Variants in HLA-DMB observed in about 807,000 individuals in gnomAD.
HLA-DMB encodes the protein HLA class II histocompatibility antigen, DM beta chain.
Under a neutral mutation model 29.3 loss-of-function variants are expected in HLA-DMB, and 18 were observed. The ratio of observed to expected loss-of-function variants is 0.62; its 90% confidence interval spans 0.43 to 0.91. The LOEUF is 0.91. Ranked by LOEUF, HLA-DMB falls within the 40% of genes least tolerant of loss-of-function variation. The pLI, the probability that HLA-DMB is intolerant of heterozygous loss-of-function variation, is 0.00. For synonymous variants in HLA-DMB, 143 were observed against 128.7 expected, an observed-to-expected ratio of 1.11 and a Z score of -0.75; for missense variants, 258 against 320.9, an observed-to-expected ratio of 0.80 and a Z score of 1.50.
rs1304467328 is a variant in HLA-DMB, at chr6:32,937,266, G to A, written c.528C>T (p.Thr176=). The A allele has an allele frequency of 2.5e-6, 4 of 1,613,980 alleles. No individual in the cohort carries two copies. Among genetic ancestry groups the A allele is most frequent in the African/African-American group, 1.3e-5 (1 of 74,894 alleles). ...AQPNGDWTYQ[T]LSHLALTPSY... is the part of the protein sequence containing the mutation. ...AGGGGGTTAAGGCTAAATGGGAGAG[G>A]GTCTGGTATGTCCAGTCTCCATTGG... is the stretch of plus-strand genomic sequence containing the variant. Residue 176 remains threonine, a synonymous_variant, in exon 3 of 6, where the codon ACC becomes ACT. Coordinates refer to ENST00000418107, the MANE Select transcript of HLA-DMB (RefSeq NM_002118.5). The surrounding 1 kb of genome is among the most constrained non-coding windows in gnomAD (Gnocchi z 4.1).
At position 32,940,778 on chromosome 6, in the gene HLA-DMB, C is replaced by T; in HGVS notation, c.30G>A (p.Gly10=). 6.2e-7 allele frequency: 1 copy of T among 1,605,770 alleles called. No individual in the cohort carries two copies. The highest frequency in any genetic ancestry group is 8.5e-7 in the Non-Finnish European group (1 of 1,176,730). ...CTGCTCCTGTGCAGCCCAGGCTGAG[C>T]CCCAGCAGCAGCGGCAGGAATGTGA... The part of the protein sequence containing the change: MITFLPLLL[G]LSLGCTGAGG... Residue 10 remains glycine (G), a synonymous_variant, in exon 1 of 6, where the codon GGG becomes GGA. Transcript: ENST00000418107.
In HLA-DMB at chr6:32,937,460, C is replaced by A; in HGVS notation, c.338-4G>T. The A allele has an allele frequency of 6.2e-7, 1 of 1,607,092 alleles. No homozygotes were observed. The highest frequency in any genetic ancestry group is 1.1e-5 in the South Asian group (1 of 90,658). ...GCTACTTGCACAGATGGTGGCCCTG[C>A]ATAGGAGAAAAAAACATGTTTAGGA... On this transcript the variant is annotated splice_polypyrimidine_tract_variant and splice_region_variant and intron_variant, in intron 2 of 5. Coordinates refer to ENST00000418107, the MANE Select transcript of HLA-DMB (RefSeq NM_002118.5). This position sits in a 1 kb window ranked among gnomAD's most constrained non-coding sequence, Gnocchi z 4.1.
At position 32,935,634 on chromosome 6, in the gene HLA-DMB, A is replaced by G; in HGVS notation, c.641T>C (p.Met214Thr). The change falls in exon 4 of 6, where the codon ATG becomes ACG. Residue 214 changes from methionine (M) to threonine (T), a missense_variant. Physicochemically the swap from Met to Thr is moderately conservative, Grantham distance 81. Transcript: ENST00000418107. ...LRDWTPGLSP[M>T]QTLKVSVSAV... ...AGACACAGAAACCTTCAGGGTCTGC[A>G]TGGGGGACAGCCCAGGTGCTGCAAA... The G allele has an allele frequency of 6.2e-7, 1 of 1,612,704 alleles. No individual in the cohort carries two copies. The highest frequency in any genetic ancestry group is 8.5e-7 in the Non-Finnish European group (1 of 1,179,862).
chr6:32,935,785 A>T (rs1775965528), intron 3 of HLA-DMB, 133 bp from the exon 4 acceptor site: 2 of 631,594 alleles, frequency 3.2e-6, no homozygotes, highest in Admixed American at 2.9e-5. Flanking sequence ...CACACCACCC[A>T]CTCCCAAGAA....
In HLA-DMB at chr6:32,934,756, C is replaced by A; in HGVS notation, c.*215G>T. On this transcript the variant is annotated 3_prime_UTR_variant, in exon 6 of 6. Transcript: ENST00000418107. ...ATTATATTCATCCCAGAAATATAGC[C>A]TTGGACAATAATTTGGTTACAGCAT... The A allele has an allele frequency of 1.7e-6, 1 of 604,734 alleles. No individual in the cohort carries two copies. The highest frequency in any genetic ancestry group is 2.9e-5 in the Admixed American group (1 of 34,022). The allele number at this position is 604,734 out of a possible 1,614,324, so 37.5% of individuals were successfully genotyped here.
rs1335545791 is a variant in HLA-DMB at position 32,934,752 on chromosome 6, T to C, written c.*219A>G. 1.7e-5 allele frequency: 10 copies of C among 594,686 alleles called. No homozygotes were observed. Among genetic ancestry groups the C allele is most frequent in the South Asian group, 8.5e-5 (4 of 47,330 alleles). 36.8% of individuals were successfully genotyped at this position (594,686 alleles called of 1,614,324 possible). ...TCAGATTATATTCATCCCAGAAATA[T>C]AGCCTTGGACAATAATTTGGTTACA... On this transcript the variant is annotated 3_prime_UTR_variant, in exon 6 of 6. Transcript: ENST00000418107.
intron 1 of HLA-DMB, among the ~76,000 whole-genome samples, chr6:32,940,481 C>G (rs1776289309): frequency 6.6e-6 from 1 of 151,966 alleles, no homozygotes. Context: ...TTATGAAGCA[C>G]TTGCTGCATG....
At chr6:32,935,461 G>C (rs538995661) in intron 4 of HLA-DMB, 75 bp downstream of exon 4, 1 of 1,508,028 alleles carries the variant, frequency 6.6e-7, no homozygotes, top group African/African-American at 1.4e-5. Context: ...GTAGGAAGGA[G>C]AGAGTTAATC....
chr6:32,940,668 G>C, intron 1 of HLA-DMB, 85 bp downstream of exon 1: 1 of 946,770 alleles, frequency 1.1e-6, no homozygotes, highest in Non-Finnish European at 1.6e-6. Flanking sequence ...ACTATCTGGG[G>C]TGTCAAATGC....
chr6:32,938,797 A>G lies in HLA-DMB; in HGVS notation c.224T>C (p.Val75Ala). Residue 75 changes from valine (V) to alanine (A), a missense_variant, in exon 2 of 6, where the codon GTC becomes GCC. Physicochemically the swap from Val to Ala is moderately conservative, Grantham distance 64. Coordinates refer to ENST00000418107, the MANE Select transcript of HLA-DMB (RefSeq NM_002118.5). The part of the protein sequence containing the change: ...EFGVLNSLAN[V>A]LSQHLNQKDT... ...TTTTTGGTTGAGGTGCTGTGAGAGG[A>G]CATTCGCCAAGCTATTCAGCACCCC... 4 of 1,611,338 alleles carry G rather than the reference A, an allele frequency of 2.5e-6. No homozygotes were observed. The highest frequency in any genetic ancestry group is 3.4e-6 in the Non-Finnish European group (4 of 1,179,272).
chr6:32,935,174 C>A, intron 5 of HLA-DMB, 168 bp downstream of exon 5: 1 of 820,516 alleles, frequency 1.2e-6, no homozygotes, highest in Non-Finnish European at 2.0e-6. Flanking sequence ...GGAGGATGCT[C>A]CTTCCTGCTC....
intron 1 of HLA-DMB, 83 bp downstream of exon 1, chr6:32,940,670 G>A: frequency 4.9e-6 from 5 of 1,023,382 alleles, no homozygotes; most frequent in East Asian, 2.6e-5. Flanking sequence ...TATCTGGGGT[G>A]TCAAATGCAA....
intron 1 of HLA-DMB, among the ~76,000 whole-genome samples, chr6:32,939,754 C>A (rs1415569510): frequency 6.6e-6 from 1 of 151,944 alleles, no homozygotes; most frequent in Non-Finnish European, 1.5e-5. Flanking sequence ...TTAAAATATC[C>A]TTTGTAAAAA....
Position 32,937,533 on chromosome 6 carries a change from C to A in HLA-DMB, c.338-77G>T. The A allele has an allele frequency of 7.0e-7, 1 of 1,436,224 alleles. No homozygotes were observed. Among genetic ancestry groups the A allele is most frequent in the East Asian group, 2.3e-5 (1 of 43,530 alleles). 89.0% of individuals were successfully genotyped at this position (1,436,224 alleles called of 1,614,324 possible). ...TTCCTCAACCTGGTTTCTTCCCTAT[C>A]GCAACTCTTCGTAGATTTTGCAACC... On this transcript the variant is annotated intron_variant, in intron 2 of 5. Coordinates refer to ENST00000418107, the MANE Select transcript of HLA-DMB (RefSeq NM_002118.5). This position sits in a 1 kb window ranked among gnomAD's most constrained non-coding sequence, Gnocchi z 4.1.
chr6:32,938,977 A>G lies in HLA-DMB; in HGVS notation c.56-12T>C, dbSNP rs1776184469. 1.3e-6 allele frequency: 2 copies of G among 1,487,346 alleles called. No homozygotes were observed. Among genetic ancestry groups the G allele is most frequent in the Non-Finnish European group, 1.8e-6 (2 of 1,113,690 alleles). The allele number at this position is 1,487,346 out of a possible 1,614,324, so 92.1% of individuals were successfully genotyped here. A position where few individuals can be genotyped will look rare whatever the true frequency, so the allele number is the denominator to read the frequency against. On this transcript the variant is annotated splice_polypyrimidine_tract_variant and intron_variant, in intron 1 of 5. Transcript: ENST00000418107. ...GGCCACGAAGCCACCTAGAGGAGCCAGGGAAGGGAGAACAGGTCAATGTCT... is the reference window on the plus strand; with the variant it reads ...GGCCACGAAGCCACCTAGAGGAGCCGGGGAAGGGAGAACAGGTCAATGTCT...
At chr6:32,940,629 T>G (rs1199050998) in intron 1 of HLA-DMB, 124 bp downstream of exon 1, 1 of 638,688 alleles carries the variant, frequency 1.6e-6, no homozygotes, top group East Asian at 2.8e-5. Flanking sequence ...AAGTACAAAG[T>G]GCTATAGGAA....
chr6:32,939,774 A>T (rs573330854), intron 1 of HLA-DMB, among the ~76,000 whole-genome samples: 40 of 152,304 alleles, frequency 2.6e-4, no homozygotes, highest in African/African-American at 9.6e-4. Flanking sequence ...AATCTACAAT[A>T]ATAAGTAAAC....
intron 1 of HLA-DMB, among the ~76,000 whole-genome samples, chr6:32,939,800 T>A (rs1776241866): frequency 1.3e-5 from 2 of 152,188 alleles, no homozygotes; most frequent in African/African-American, 2.4e-5. Flanking sequence ...CTGAGTTCCA[T>A]AAGCCACTTT....
At chr6:32,939,689 CA>C (rs1270980383) in intron 1 of HLA-DMB, among the ~76,000 whole-genome samples, 1 of 152,150 alleles carries the variant, frequency 6.6e-6, no homozygotes, top group Non-Finnish European at 1.5e-5. Flanking sequence ...CTGTACATTA[CA>C]TGTACTAAAA....
Sources: allele counts gnomAD v4.1 joint callset (sites outside exome capture counted in the v4.1 genomes callset), GRCh38; gene constraint gnomAD v4.1.1; non-coding constraint Gnocchi (gnomAD v3.1); transcripts MANE v1.5; gene names NCBI Gene and HGNC (gene_info 2026-07-23, HGNC 2026-07-21).